The following ENPP6 variants were observed in gnomAD, a reference collection of about 807,000 sequenced individuals.
ENPP6 encodes the protein glycerophosphocholine cholinephosphodiesterase ENPP6.
In ENPP6, 32 loss-of-function variants were observed where a neutral mutation model predicts 42.0. The ratio of observed to expected loss-of-function variants is 0.76; its 90% CI spans 0.58 to 1.02. ENPP6 has a LOEUF of 1.02. ENPP6 is among the 50% of genes least tolerant of loss of function. The pLI, the probability that ENPP6 is intolerant of heterozygous loss-of-function variation, is 0.00. For missense variants in ENPP6, 552 were observed against 566.8 expected (o/e 0.97, Z 0.27); for synonymous variants, 213 against 216.0 (o/e 0.99, Z 0.12).
chr4:184,161,970 T>A (rs890854190), intron 1 of ENPP6, among the ~76,000 whole-genome samples: 3 of 151,914 alleles, frequency 2.0e-5, no homozygotes, highest in African/African-American at 7.3e-5. Context: ...ATCTCAGAAA[T>A]CACCACTAAA....
chr4:184,115,357 C>T lies in ENPP6; in HGVS notation c.855+1499G>A, dbSNP rs57700774. On this transcript the variant is annotated intron_variant, in intron 5 of 7. Coordinates refer to ENST00000296741, the MANE Select transcript of ENPP6 (RefSeq NM_153343.4). ...CCATATTGGGAAGTGACTAGGAACT[C>T]GGGGGACAAGCAGCCAGCAGAAGGT... 7.0e-3 allele frequency among the ~76,000 whole-genome samples: 1,066 copies of T among 152,296 alleles called. 11 individuals carry two copies. Among genetic ancestry groups the T allele is most frequent in the African/African-American group, 0.024 (1,015 of 41,564 alleles).
intron 1 of ENPP6, among the ~76,000 whole-genome samples, chr4:184,173,270 C>T (rs1022607007): frequency 1.3e-5 from 2 of 152,086 alleles, no homozygotes; most frequent in African/African-American, 2.4e-5. Context: ...AGAAGTCTAA[C>T]AAAAGAAAGA....
At chr4:184,095,695 T>C (rs936055317) in intron 7 of ENPP6, among the ~76,000 whole-genome samples, 10 of 151,332 alleles carry the variant, frequency 6.6e-5, no homozygotes, top group African/African-American at 2.4e-4. Flanking sequence ...TAGATATATA[T>C]ATTCCTGAGA....
At chr4:184,109,630 T>A (rs1736166430) in intron 6 of ENPP6, among the ~76,000 whole-genome samples, 1 of 152,216 alleles carries the variant, frequency 6.6e-6, no homozygotes, top group African/African-American at 2.4e-5. Flanking sequence ...ATTTCTGATG[T>A]TCTTTTGTTT....
At chr4:184,092,113 G>A (rs990445857) in intron 7 of ENPP6, among the ~76,000 whole-genome samples, 13 of 152,104 alleles carry the variant, frequency 8.5e-5, no homozygotes, top group Admixed American at 5.2e-4. Flanking sequence ...TATCTAGCCC[G>A]GACCGACAGC....
intron 1 of ENPP6, among the ~76,000 whole-genome samples, chr4:184,208,193 A>G (rs1009529516): frequency 6.6e-6 from 1 of 151,964 alleles, no homozygotes; most frequent in African/African-American, 2.4e-5. Flanking sequence ...CTTGAATGTA[A>G]TCTCCCTGGT....
chr4:184,126,336 T>A (rs1049900219), intron 2 of ENPP6, among the ~76,000 whole-genome samples: 6 of 152,242 alleles, frequency 3.9e-5, no homozygotes, highest in African/African-American at 9.6e-5. Context: ...AAACTTTTTT[T>A]TATTGATTAA....
chr4:184,173,826 A>C (rs1737515427), intron 1 of ENPP6, among the ~76,000 whole-genome samples: 1 of 152,210 alleles, frequency 6.6e-6, no homozygotes, highest in Admixed American at 6.5e-5. Context: ...TTTACAATGC[A>C]GCCCTGGGCA....
chr4:184,144,898 T>G (rs924674292), intron 2 of ENPP6, among the ~76,000 whole-genome samples: 1 of 152,194 alleles, frequency 6.6e-6, no homozygotes, highest in Non-Finnish European at 1.5e-5. Flanking sequence ...CACTGAGGAC[T>G]GTTAGGATGA....
intron 6 of ENPP6, among the ~76,000 whole-genome samples, chr4:184,098,637 A>G (rs921934943): frequency 1.3e-5 from 2 of 152,106 alleles, no homozygotes; most frequent in Non-Finnish European, 2.9e-5. Context: ...GGGTTCCGGA[A>G]CCATCACTTC....
At chr4:184,175,717 C>T (rs1579650136) in intron 1 of ENPP6, among the ~76,000 whole-genome samples, 2 of 152,144 alleles carry the variant, frequency 1.3e-5, no homozygotes, top group East Asian at 3.9e-4. Context: ...CCCACTTACA[C>T]CAAGCGTGTT....
intron 1 of ENPP6, among the ~76,000 whole-genome samples, chr4:184,172,046 C>A (rs1051369961): frequency 6.6e-6 from 1 of 152,080 alleles, no homozygotes; most frequent in African/African-American, 2.4e-5. Flanking sequence ...TGAGATGACG[C>A]TTGAGTGGTG....
At chr4:184,113,904 TTTCTTTC>T (rs1453497883) in intron 5 of ENPP6, among the ~76,000 whole-genome samples, 3 of 63,494 alleles carry the variant, frequency 4.7e-5, no homozygotes, top group African/African-American at 6.0e-5. Context: ...CTTTCTTTTC[TTTCTTTC>T]TTTCTTTCTT....
intron 5 of ENPP6, among the ~76,000 whole-genome samples, chr4:184,115,531 C>G (rs544336790): frequency 6.6e-6 from 1 of 152,326 alleles, no homozygotes; most frequent in African/African-American, 2.4e-5. Context: ...CATCTTGGCA[C>G]TGTGGGAACT....
intron 2 of ENPP6, among the ~76,000 whole-genome samples, chr4:184,125,247 C>T (rs756069270): frequency 3.3e-5 from 5 of 152,088 alleles, no homozygotes; most frequent in Admixed American, 1.3e-4. Context: ...CCTCAGGTCC[C>T]GATGTTGGGC....
At chr4:184,143,559 C>A (rs1736866343) in intron 2 of ENPP6, among the ~76,000 whole-genome samples, 1 of 152,252 alleles carries the variant, frequency 6.6e-6, no homozygotes, top group African/African-American at 2.4e-5. Flanking sequence ...TCCTCCCCTT[C>A]TCCATGGACC....
chr4:184,212,239 G>A (rs1240327459), intron 1 of ENPP6, among the ~76,000 whole-genome samples: 2 of 151,560 alleles, frequency 1.3e-5, no homozygotes, highest in Non-Finnish European at 2.9e-5. Flanking sequence ...TTCTGGCCAG[G>A]GCAATTAGGC....
chr4:184,126,982 C>T (rs1428841526), intron 2 of ENPP6, among the ~76,000 whole-genome samples: 1 of 152,060 alleles, frequency 6.6e-6, no homozygotes, highest in Non-Finnish European at 1.5e-5. Context: ...AACAGTAAAA[C>T]GTGCCCCATA....
chr4:184,113,905 T>TTCTTTCTC (rs1736259128), intron 5 of ENPP6, among the ~76,000 whole-genome samples: 1 of 101,492 alleles, frequency 9.9e-6, no homozygotes, highest in African/African-American at 3.7e-5. Flanking sequence ...TTTCTTTTCT[T>TTCTTTCTC]TCTTTCTTTC....
Sources: allele counts gnomAD v4.1 joint callset (sites outside exome capture counted in the v4.1 genomes callset), GRCh38; gene constraint gnomAD v4.1.1; transcripts MANE v1.5; gene names NCBI Gene and HGNC (gene_info 2026-07-23, HGNC 2026-07-21).